Variants in WWOX observed in about 807,000 individuals in gnomAD.
WWOX encodes the protein WW domain-containing oxidoreductase.
Under a neutral mutation model 46.2 loss-of-function variants are expected in WWOX, and 69 were observed. The ratio of observed to expected loss-of-function variants is 1.49; its 90% CI spans 1.23 to 1.82. The LOEUF (loss-of-function observed/expected upper bound fraction) is 1.82. Ranked by LOEUF, WWOX falls within the 40% of genes most tolerant of loss-of-function variation. The pLI, the probability that WWOX is intolerant of heterozygous loss-of-function variation, is 0.00. For missense variants in WWOX, 919 were observed against 542.6 expected (o/e 1.69, Z -6.89); for synonymous variants, 359 against 202.6 (o/e 1.77, Z -6.56).
At chr16:78,311,950 T>C (rs1311819479) in intron 5 of WWOX, among the ~76,000 whole-genome samples, 1 of 152,138 alleles carries the variant, frequency 6.6e-6, no homozygotes, top group African/African-American at 2.4e-5. Flanking sequence ...TTCTTTTGGA[T>C]ACTGTAGAGG....
At chr16:78,987,609 A>T (rs562813800) in intron 8 of WWOX, among the ~76,000 whole-genome samples, 1 of 152,144 alleles carries the variant, frequency 6.6e-6, no homozygotes, top group Admixed American at 6.5e-5. Context: ...ACTTTCCTCT[A>T]TGCTCCCTCA....
intron 5 of WWOX, among the ~76,000 whole-genome samples, chr16:78,173,962 A>G (rs1173857819): frequency 1.3e-5 from 2 of 151,796 alleles, no homozygotes; most frequent in African/African-American, 4.8e-5. Context: ...AGGAATTGAG[A>G]GAGAGAGAGA....
At chr16:78,676,618 T>C (rs2047606222) in intron 8 of WWOX, among the ~76,000 whole-genome samples, 1 of 152,182 alleles carries the variant, frequency 6.6e-6, no homozygotes, top group South Asian at 2.1e-4. Flanking sequence ...TTATTAATGA[T>C]GTGCTGTCAG....
At chr16:78,777,324 T>C (rs546571608) in intron 8 of WWOX, among the ~76,000 whole-genome samples, 89 of 152,306 alleles carry the variant, frequency 5.8e-4, no homozygotes, top group Non-Finnish European at 1.1e-3. Flanking sequence ...TCTGATGATG[T>C]TGTCCAGGAC....
At chr16:78,178,722 G>T (rs1021376636) in intron 5 of WWOX, among the ~76,000 whole-genome samples, 2 of 152,084 alleles carry the variant, frequency 1.3e-5, no homozygotes, top group African/African-American at 2.4e-5. Context: ...AAATTAGCCA[G>T]TTGTCTTGGC....
rs1251882291 is a variant in WWOX at position 79,039,214 on chromosome 16, T to C, written c.1057-172394T>C. 2.0e-5 allele frequency among the ~76,000 whole-genome samples: 3 copies of C among 152,168 alleles called. No homozygotes were observed. In the East Asian group the frequency reaches 5.8e-4, roughly 29 times the overall value. On this transcript the variant is annotated intron_variant, in intron 8 of 8. Transcript: ENST00000566780. ...CCCAGGACTTTGCGTTGCAGTTTTG[T>C]TCAGGGGTTGCAGAATACCGATCTG...
intron 8 of WWOX, among the ~76,000 whole-genome samples, chr16:78,845,317 C>T (rs775232301): frequency 4.6e-5 from 7 of 152,068 alleles, no homozygotes; most frequent in African/African-American, 9.7e-5. Context: ...ACAAGGTTTC[C>T]AGCCTTTCCT....
At chr16:78,373,706 G>A (rs140101861) in intron 5 of WWOX, among the ~76,000 whole-genome samples, 16 of 151,864 alleles carry the variant, frequency 1.1e-4, no homozygotes, top group African/African-American at 3.9e-4. Context: ...TTCTTTTGAT[G>A]ACTGATAAAT....
At chr16:78,163,448 T>C (rs892189215) in intron 4 of WWOX, among the ~76,000 whole-genome samples, 2 of 152,192 alleles carry the variant, frequency 1.3e-5, no homozygotes, top group Non-Finnish European at 2.9e-5. Context: ...CAAATTTATG[T>C]CTTTTTCCTT....
chr16:79,176,632 C>G (rs1479609290), intron 8 of WWOX, among the ~76,000 whole-genome samples: 1 of 152,108 alleles, frequency 6.6e-6, no homozygotes, highest in Non-Finnish European at 1.5e-5. Context: ...GTCTTCATGT[C>G]ATTAAACTTT....
chr16:78,490,701 G>A (rs916257338), intron 8 of WWOX, among the ~76,000 whole-genome samples: 13 of 152,114 alleles, frequency 8.5e-5, no homozygotes, highest in Non-Finnish European at 1.5e-4. Flanking sequence ...TCAGTTCTCC[G>A]TCCTGCAGCA....
At chr16:78,379,660 G>T (rs76076542) in intron 5 of WWOX, among the ~76,000 whole-genome samples, 8,073 of 152,280 alleles carry the variant, frequency 0.053, 279 homozygotes, top group East Asian at 0.12. Context: ...GACCCAACAT[G>T]TGGGCAGCAG....
intron 8 of WWOX, chr16:78,898,376 C>G (rs1214317096): frequency 6.6e-6 from 1 of 152,064 alleles, no homozygotes; most frequent in Non-Finnish European, 1.5e-5. Flanking sequence ...TCCAATTGTT[C>G]TAGCACTATT....
At chr16:78,727,399 C>T (rs1196050257) in intron 8 of WWOX, among the ~76,000 whole-genome samples, 1 of 152,150 alleles carries the variant, frequency 6.6e-6, no homozygotes, top group African/African-American at 2.4e-5. Flanking sequence ...CGAAACAAAA[C>T]AAATGAGGGT....
chr16:79,172,577 G>T (rs2050721487), intron 8 of WWOX, among the ~76,000 whole-genome samples: 1 of 152,164 alleles, frequency 6.6e-6, no homozygotes, highest in Non-Finnish European at 1.5e-5. Flanking sequence ...GAAAGAACCT[G>T]TGGAGCCTCT....
chr16:78,841,279 T>A (rs2151168971), intron 8 of WWOX, among the ~76,000 whole-genome samples: 1 of 152,324 alleles, frequency 6.6e-6, no homozygotes, highest in South Asian at 2.1e-4. Context: ...GCAGCACTGC[T>A]CATAATATTT....
At chr16:78,486,114 G>A (rs982598579) in intron 8 of WWOX, among the ~76,000 whole-genome samples, 3 of 152,126 alleles carry the variant, frequency 2.0e-5, no homozygotes, top group African/African-American at 7.2e-5. Flanking sequence ...GTGGTATGCC[G>A]GTAAGTGTTG....
chr16:78,801,017 C>T (rs1228412620), intron 8 of WWOX, among the ~76,000 whole-genome samples: 2 of 151,612 alleles, frequency 1.3e-5, no homozygotes, highest in African/African-American at 4.8e-5. Context: ...TTTCATGCTC[C>T]ACTTTTCTGG....
chr16:78,867,510 GTA>G (rs1491575631), intron 8 of WWOX, among the ~76,000 whole-genome samples: 29 of 143,772 alleles, frequency 2.0e-4, no homozygotes, highest in Admixed American at 7.7e-4. Context: ...GTGTGTGTGT[GTA>G]TGTGTGTGTG....
Sources: allele counts gnomAD v4.1 joint callset (sites outside exome capture counted in the v4.1 genomes callset), GRCh38; gene constraint gnomAD v4.1.1; transcripts MANE v1.5; gene names NCBI Gene and HGNC (gene_info 2026-07-23, HGNC 2026-07-21).